TMEM65: variants seen among roughly 807,000 people sequenced by gnomAD.
TMEM65 encodes transmembrane protein 65.
Under a neutral mutation model 25.4 loss-of-function variants are expected in TMEM65, and 22 were observed. The ratio of observed to expected loss-of-function variants is 0.86; its 90% CI spans 0.62 to 1.23. TMEM65 has a LOEUF of 1.23. Ranked by LOEUF, TMEM65 falls within the 50% of genes most tolerant of loss-of-function variation. TMEM65 has a pLI of 0.00. For missense variants in TMEM65, 262 were observed against 308.2 expected (o/e 0.85, Z 1.12); for synonymous variants, 132 against 126.2 (o/e 1.05, Z -0.31).
chr8:124,328,583 G>A (rs1814395306), intron 2 of TMEM65, among the ~76,000 whole-genome samples: 1 of 152,014 alleles, frequency 6.6e-6, no homozygotes, highest in African/African-American at 2.4e-5. Context: ...TTCCAGATTG[G>A]GAGAATTGAA....
chr8:124,321,237 T>A (rs1402282655), intron 5 of TMEM65, among the ~76,000 whole-genome samples: 3 of 152,160 alleles, frequency 2.0e-5, no homozygotes, highest in South Asian at 2.1e-4. Context: ...AGGTTAAGGT[T>A]AGATCACTTA....
chr8:124,361,769 GA>G (rs1814865075), intron 1 of TMEM65, among the ~76,000 whole-genome samples: 1 of 152,052 alleles, frequency 6.6e-6, no homozygotes, highest in Non-Finnish European at 1.5e-5. Flanking sequence ...CCGGGAGGCA[GA>G]GGTTGCAGTG....
intron 6 of TMEM65, 67 bp downstream of exon 6, chr8:124,320,019 G>T: frequency 7.9e-7 from 1 of 1,260,942 alleles, no homozygotes; most frequent in Non-Finnish European, 1.1e-6. Context: ...TTTCTCAAGG[G>T]CCTGAACTAT....
rs1255786070 is a variant in TMEM65 at position 124,314,926 on chromosome 8, T to C, written c.622-865A>G. Among the ~76,000 whole-genome samples the C allele has an allele frequency of 2.0e-5, 3 of 152,226 alleles. No individual in the cohort carries two copies. The East Asian group carries it at 5.8e-4, about 29-fold the overall frequency. ...CTGGCTTCAAGAAATCCTCCCACCT[T>C]GGCCTCCCAAATGAGATTACAGGCT... On this transcript the variant is annotated intron_variant, in intron 6 of 6. Transcript: ENST00000297632.
intron 1 of TMEM65, among the ~76,000 whole-genome samples, chr8:124,334,384 G>C (rs1749535146): frequency 6.6e-6 from 1 of 152,016 alleles, no homozygotes; most frequent in Non-Finnish European, 1.5e-5. Flanking sequence ...GAATAAGACA[G>C]GAAATCTCAT....
In TMEM65 at chr8:124,372,359, C is replaced by T; in HGVS notation, c.-202G>A. ...CCCCACTTCCTTTCCAAAAGGCCCG[C>T]GGCGGCTCCCGCCCCTCCGATGGGA... On this transcript the variant is annotated 5_prime_UTR_variant, in exon 1 of 7. Transcript: ENST00000297632. 1 of 269,712 alleles carries T rather than the reference C, an allele frequency of 3.7e-6. No homozygotes were observed. Among genetic ancestry groups the T allele is most frequent in the Non-Finnish European group, 6.0e-6 (1 of 165,728 alleles). 16.7% of individuals were successfully genotyped at this position (269,712 alleles called of 1,614,324 possible).
At chr8:124,328,885 T>C (rs2131202626) in intron 2 of TMEM65, among the ~76,000 whole-genome samples, 1 of 152,150 alleles carries the variant, frequency 6.6e-6, no homozygotes, top group Admixed American at 6.5e-5. Flanking sequence ...TATATTGAGC[T>C]CTGCACCTAG....
chr8:124,348,046 G>GTTACAGGCAGTAGCCGGGA lies in TMEM65; in HGVS notation c.305-17273_305-17255dup, dbSNP rs1230647412. On this transcript the variant is annotated intron_variant, in intron 1 of 6. Transcript: ENST00000297632. The stretch of plus-strand genomic sequence containing the variant: ...GCTGGGGTTACAGGCAGTAGCCAGG[G>GTTACAGGCAGTAGCCGGGA]TTACAGGCAGTAGCCGGGATTACAG... Among the ~76,000 whole-genome samples, 14 of 131,324 alleles carry GTTACAGGCAGTAGCCGGGA rather than the reference G, an allele frequency of 1.1e-4. No homozygotes were observed. The South Asian group carries it at 2.6e-3, about 24-fold the overall frequency. 86.2% of individuals were successfully genotyped at this position (131,324 alleles called of 152,430 possible).
chr8:124,342,283 T>G (rs902447123), intron 1 of TMEM65, among the ~76,000 whole-genome samples: 5 of 152,126 alleles, frequency 3.3e-5, no homozygotes, highest in Non-Finnish European at 7.4e-5. Flanking sequence ...GAGATTCATG[T>G]AAAGAACTCT....
intron 1 of TMEM65, among the ~76,000 whole-genome samples, chr8:124,362,940 T>C (rs72711186): frequency 0.14 from 21,996 of 152,138 alleles, 2,071 homozygotes; most frequent in South Asian, 0.21. Context: ...GGATTTCTGA[T>C]TGTGTGGAAA....
At chr8:124,371,731 G>C in intron 1 of TMEM65, 123 bp downstream of exon 1, 2 of 978,260 alleles carry the variant, frequency 2.0e-6, no homozygotes, top group Non-Finnish European at 1.4e-6. Flanking sequence ...AGACAGGCGA[G>C]GGGGGCGGAA....
chr8:124,339,016 C>T (rs989313113), intron 1 of TMEM65, among the ~76,000 whole-genome samples: 26 of 151,030 alleles, frequency 1.7e-4, no homozygotes, highest in Non-Finnish European at 1.5e-5. Context: ...TGGTGAAACC[C>T]CGTCTCTACT....
At chr8:124,342,859 T>C (rs1034770843) in intron 1 of TMEM65, among the ~76,000 whole-genome samples, 8 of 152,176 alleles carry the variant, frequency 5.3e-5, no homozygotes, top group Admixed American at 3.9e-4. Context: ...TTCTAGCACC[T>C]AATGAATCAT....
At chr8:124,350,668 T>C (rs1377296987) in intron 1 of TMEM65, among the ~76,000 whole-genome samples, 1 of 152,106 alleles carries the variant, frequency 6.6e-6, no homozygotes, top group African/African-American at 2.4e-5. Context: ...GTTTAGTCAT[T>C]GTACTTAAAT....
At chr8:124,337,907 TTGAG>T (rs1299612508) in intron 1 of TMEM65, among the ~76,000 whole-genome samples, 3 of 152,028 alleles carry the variant, frequency 2.0e-5, no homozygotes, top group African/African-American at 7.2e-5. Flanking sequence ...GATGAGGATA[TTGAG>T]TTTGTTTTTT....
At chr8:124,326,734 C>T (rs1814370189) in intron 3 of TMEM65, among the ~76,000 whole-genome samples, 1 of 151,896 alleles carries the variant, frequency 6.6e-6, no homozygotes, top group Non-Finnish European at 1.5e-5. Flanking sequence ...ATATTGGTAT[C>T]CATTAGCAGG....
At chr8:124,317,114 C>G (rs943062478) in intron 6 of TMEM65, among the ~76,000 whole-genome samples, 1 of 152,044 alleles carries the variant, frequency 6.6e-6, no homozygotes, top group African/African-American at 2.4e-5. Context: ...CTCTATATTA[C>G]CTATGTGTAT....
At chr8:124,320,011 T>A in intron 6 of TMEM65, 75 bp downstream of exon 6, 1 of 1,104,272 alleles carries the variant, frequency 9.1e-7, no homozygotes, top group Non-Finnish European at 1.2e-6. Context: ...GTCTCAAATT[T>A]CTCAAGGGCC....
chr8:124,355,403 A>G (rs1219115288), intron 1 of TMEM65, among the ~76,000 whole-genome samples: 1 of 152,184 alleles, frequency 6.6e-6, no homozygotes, highest in Non-Finnish European at 1.5e-5. Context: ...TACTATCTAC[A>G]TGTCTTCAAC....
Sources: allele counts gnomAD v4.1 joint callset (sites outside exome capture counted in the v4.1 genomes callset), GRCh38; gene constraint gnomAD v4.1.1; transcripts MANE v1.5; gene names NCBI Gene and HGNC (gene_info 2026-07-23, HGNC 2026-07-21).